EDARADD: variants seen among roughly 807,000 people sequenced by gnomAD.
EDARADD encodes the protein ectodysplasin-A receptor-associated adapter protein.
A neutral mutation model predicts 25.6 loss-of-function variants in EDARADD; 20 were observed. That is an observed-to-expected ratio of 0.78 (90% CI 0.55 to 1.14). The LOEUF (loss-of-function observed/expected upper bound fraction) is 1.14, where lower values mean the gene tolerates loss of function less well. EDARADD is among the 50% of genes most tolerant of loss of function. The pLI is 0.00. For synonymous variants in EDARADD, 86 were observed against 94.4 expected, an observed-to-expected ratio of 0.91 and a Z score of 0.52; for missense variants, 225 against 270.1, an observed-to-expected ratio of 0.83 and a Z score of 1.17.
chr1:236,459,181 C>T (rs1335667535), intron 4 of EDARADD, among the ~76,000 whole-genome samples: 1 of 152,114 alleles, frequency 6.6e-6, no homozygotes, highest in Non-Finnish European at 1.5e-5. Context: ...TTCTGTCCTA[C>T]AGCCTGGGAT....
intron 3 of EDARADD, among the ~76,000 whole-genome samples, chr1:236,355,976 T>C (rs1666971365): frequency 6.6e-6 from 1 of 152,054 alleles, no homozygotes; most frequent in Non-Finnish European, 1.5e-5. Context: ...AGGCAAAAAA[T>C]ATATATGTAT....
intron 4 of EDARADD, among the ~76,000 whole-genome samples, chr1:236,467,491 C>T (rs2103035353): frequency 6.6e-6 from 1 of 152,018 alleles, no homozygotes; most frequent in Non-Finnish European, 1.5e-5. Flanking sequence ...AAAAATCCCT[C>T]ACATCCCTGT....
At chr1:236,454,000 C>G (rs1440250117) in intron 4 of EDARADD, among the ~76,000 whole-genome samples, 1 of 152,152 alleles carries the variant, frequency 6.6e-6, no homozygotes, top group East Asian at 1.9e-4. Context: ...ATCAAGGAAA[C>G]AGAAATCTAT....
rs537795533 is a variant in EDARADD at position 236,432,650 on chromosome 1, C to T, written c.219+5200C>T. Among the ~76,000 whole-genome samples, 61 of 151,746 alleles carry T rather than the reference C, an allele frequency of 4.0e-4. No individual in the cohort carries two copies. In the South Asian group the frequency reaches 0.011, roughly 26 times the overall value. ...CTGTAATCCCAGCACTTTGGGAGGC[C>T]GAAGTGGGCAGATCACCTGAGATCA... On this transcript the variant is annotated intron_variant, in intron 4 of 5. Coordinates refer to ENST00000334232, the MANE Select transcript of EDARADD (RefSeq NM_145861.4).
chr1:236,457,225 A>T (rs1253611), intron 4 of EDARADD, among the ~76,000 whole-genome samples: 54,964 of 152,126 alleles, frequency 0.36, 10,217 homozygotes, highest in East Asian at 0.55. Flanking sequence ...GGTAAAACAT[A>T]TTCAAGTTTA....
intron 3 of EDARADD, among the ~76,000 whole-genome samples, chr1:236,374,450 G>A (rs185116021): frequency 6.6e-6 from 1 of 152,054 alleles, no homozygotes; most frequent in Non-Finnish European, 1.5e-5. Context: ...TTTATTTTTA[G>A]TAGAGACAAA....
intron 3 of EDARADD, among the ~76,000 whole-genome samples, chr1:236,425,886 A>G (rs1469810879): frequency 1.3e-5 from 2 of 152,250 alleles, no homozygotes; most frequent in East Asian, 3.8e-4. Context: ...AGAGCAGTTA[A>G]TGAAATCTGA....
rs185237720 is a variant in EDARADD, at chr1:236,427,952, T to A, written c.219+502T>A. ...TCATATTTTTTAATTGTAATTTTTTTAATTTATTTATTTTATTTTATTTTA... is the reference window on the plus strand; with the variant it reads ...TCATATTTTTTAATTGTAATTTTTTAAATTTATTTATTTTATTTTATTTTA... On this transcript the variant is annotated intron_variant, in intron 4 of 5. Coordinates refer to ENST00000334232, the MANE Select transcript of EDARADD (RefSeq NM_145861.4). Among the ~76,000 whole-genome samples the A allele has an allele frequency of 5.0e-3, 566 of 112,468 alleles. 5 individuals are homozygous for A. Among genetic ancestry groups the A allele is most frequent in the African/African-American group, 5.9e-3 (212 of 36,182 alleles). The allele number at this position is 112,468 out of a possible 152,430, so 73.8% of individuals were successfully genotyped here.
intron 2 of EDARADD, among the ~76,000 whole-genome samples, 196 bp downstream of exon 2, chr1:236,409,470 G>C (rs938040425): frequency 1.3e-5 from 2 of 152,112 alleles, no homozygotes; most frequent in Non-Finnish European, 2.9e-5. Context: ...TAAAAATGGC[G>C]TTAGATTCTT....
At chr1:236,411,672 C>T (rs541280841) in intron 2 of EDARADD, among the ~76,000 whole-genome samples, 1 of 152,174 alleles carries the variant, frequency 6.6e-6, no homozygotes, top group African/African-American at 2.4e-5. Flanking sequence ...CCTCAGCCTC[C>T]CAAGTAGCTG....
chr1:236,445,146 A>C (rs1658498203), intron 4 of EDARADD, among the ~76,000 whole-genome samples: 1 of 152,006 alleles, frequency 6.6e-6, no homozygotes, highest in South Asian at 2.1e-4. Context: ...CAGTCACATC[A>C]TCTAAGCAAA....
chr1:236,376,567 G>A (rs1029054466), intron 3 of EDARADD, among the ~76,000 whole-genome samples: 2 of 152,004 alleles, frequency 1.3e-5, no homozygotes, highest in Admixed American at 6.6e-5. Flanking sequence ...TAAATAAGGT[G>A]TTTTTTCTCT....
chr1:236,409,687 A>G (rs1048853044), intron 2 of EDARADD, among the ~76,000 whole-genome samples: 6 of 151,524 alleles, frequency 4.0e-5, no homozygotes, highest in African/African-American at 1.2e-4. Flanking sequence ...TCAGCCTCCC[A>G]AGTAGCTGGG....
intron 1 of EDARADD, among the ~76,000 whole-genome samples, chr1:236,406,753 C>T (rs1667747103): frequency 6.6e-6 from 1 of 152,206 alleles, no homozygotes; most frequent in South Asian, 2.1e-4. Context: ...ACCATGTCAA[C>T]TCATCCTTCC....
intron 3 of EDARADD, among the ~76,000 whole-genome samples, chr1:236,352,631 C>G (rs1205294996): frequency 6.6e-6 from 1 of 152,026 alleles, no homozygotes; most frequent in African/African-American, 2.4e-5. Context: ...GTGGATCACT[C>G]GAGGTCAGGA....
intron 4 of EDARADD, among the ~76,000 whole-genome samples, chr1:236,465,112 T>G (rs972096927): frequency 6.6e-6 from 1 of 152,206 alleles, no homozygotes; most frequent in Non-Finnish European, 1.5e-5. Flanking sequence ...CTTCATCCCC[T>G]TCTCTCCTAG....
intron 4 of EDARADD, 96 bp downstream of exon 4, chr1:236,427,546 A>G: frequency 8.2e-7 from 1 of 1,222,748 alleles, no homozygotes; most frequent in Non-Finnish European, 1.2e-6. Flanking sequence ...AAAAATGAAA[A>G]ACAGGATTTC....
intron 4 of EDARADD, among the ~76,000 whole-genome samples, chr1:236,448,427 T>C (rs1183384092): frequency 6.6e-6 from 1 of 152,164 alleles, no homozygotes; most frequent in African/African-American, 2.4e-5. Flanking sequence ...GGTCTGATCC[T>C]AGAGTCAGCC....
chr1:236,384,336 C>T (rs1012359706), intron 3 of EDARADD, among the ~76,000 whole-genome samples: 2 of 152,118 alleles, frequency 1.3e-5, no homozygotes, highest in African/African-American at 2.4e-5. Context: ...AAAAATTTGC[C>T]GATCGGTTAA....
Sources: allele counts gnomAD v4.1 joint callset (sites outside exome capture counted in the v4.1 genomes callset), GRCh38; gene constraint gnomAD v4.1.1; transcripts MANE v1.5; gene names NCBI Gene and HGNC (gene_info 2026-07-23, HGNC 2026-07-21).